IKBKB: variants seen among roughly 807,000 people sequenced by gnomAD.
The protein encoded by IKBKB is inhibitor of nuclear factor kappa-B kinase subunit beta.
IKBKB carries 42 observed loss-of-function variants against 113.6 expected under a neutral mutation model. The ratio of observed to expected loss-of-function variants is 0.37; its 90% CI spans 0.29 to 0.48. IKBKB has a LOEUF of 0.48. IKBKB is among the 20% of genes least tolerant of loss of function. The pLI is 0.99. For synonymous variants in IKBKB, 296 were observed against 361.3 expected, an observed-to-expected ratio of 0.82 and a Z score of 2.05; for missense variants, 673 against 939.7, an observed-to-expected ratio of 0.72 and a Z score of 3.71.
At chr8:42,294,155 G>T (rs978936712) in intron 5 of IKBKB, among the ~76,000 whole-genome samples, 1 of 151,990 alleles carries the variant, frequency 6.6e-6, no homozygotes, top group African/African-American at 2.4e-5. Flanking sequence ...AGAGCTTTTT[G>T]TTTTTTTTAA....
chr8:42,331,849 C>G lies in IKBKB; in HGVS notation c.*870C>G. On this transcript the variant is annotated 3_prime_UTR_variant, in exon 22 of 22. Coordinates refer to ENST00000520810, the MANE Select transcript of IKBKB (RefSeq NM_001556.3). ...TTCCTGCTCAAGCGTGTGTGCTGGG[C>G]CGGGGAGTCCCTGTCTCTCACAGCA... is the stretch of plus-strand genomic sequence containing the variant. 4.8e-6 allele frequency: 1 copy of G among 208,128 alleles called. No homozygotes were observed. The highest frequency in any genetic ancestry group is 7.8e-5 in the South Asian group (1 of 12,862). The allele number at this position is 208,128 out of a possible 1,614,324, so 12.9% of individuals were successfully genotyped here.
chr8:42,278,485 T>A (rs1296047384), intron 2 of IKBKB, among the ~76,000 whole-genome samples: 2 of 152,162 alleles, frequency 1.3e-5, no homozygotes, highest in Non-Finnish European at 2.9e-5. Flanking sequence ...TGATCCATAG[T>A]GTGCAGCAGT....
intron 5 of IKBKB, among the ~76,000 whole-genome samples, chr8:42,293,974 G>A (rs549933644): frequency 3.3e-5 from 5 of 152,244 alleles, no homozygotes; most frequent in African/African-American, 7.2e-5. Flanking sequence ...GGGCATCTGC[G>A]GCACCCTCTG....
chr8:42,330,590 A>C lies in IKBKB; in HGVS notation c.2206-324A>C, dbSNP rs2130742684. 1.3e-5 allele frequency among the ~76,000 whole-genome samples: 2 copies of C among 152,282 alleles called. 1 individual carries two copies. The highest frequency in any genetic ancestry group is 6.8e-3 in the Middle Eastern group (2 of 294). ...CAATGGCACGATCTCAGCTCACTGC[A>C]ACCCCTACCTCCCAGGTTCAAGTGA... On this transcript the variant is annotated intron_variant, in intron 21 of 21. Coordinates refer to ENST00000520810, the MANE Select transcript of IKBKB (RefSeq NM_001556.3).
At chr8:42,276,094 G>A (rs1280824112) in intron 2 of IKBKB, among the ~76,000 whole-genome samples, 1 of 152,168 alleles carries the variant, frequency 6.6e-6, no homozygotes, top group African/African-American at 2.4e-5. Flanking sequence ...GCCTGCCTCA[G>A]CCTCCCAACC....
chr8:42,298,555 T>C, intron 5 of IKBKB: 1 of 857,288 alleles, frequency 1.2e-6, no homozygotes, highest in Non-Finnish European at 1.4e-6. Context: ...GACTGAAGTG[T>C]GGATTATAGC....
At chr8:42,317,817 A>G in intron 12 of IKBKB, 46 bp downstream of exon 12, 1 of 1,369,880 alleles carries the variant, frequency 7.3e-7, no homozygotes, top group African/African-American at 1.4e-5. Context: ...CCGTTATAAT[A>G]TGTGGGACAA....
At position 42,271,400 on chromosome 8, in the gene IKBKB, GTTT is replaced by G; in HGVS notation, c.-87_-85del. 6.6e-7 allele frequency: 1 copy of G among 1,517,108 alleles called. No homozygotes were observed. The highest frequency in any genetic ancestry group is 8.8e-7 in the Non-Finnish European group (1 of 1,132,260). The allele number at this position is 1,517,108 out of a possible 1,614,324, so 94.0% of individuals were successfully genotyped here. On this transcript the variant is annotated 5_prime_UTR_variant, in exon 1 of 22. Transcript: ENST00000520810. ...TTTCAGGGGGGTGTCATAGCCCCGG[GTTT>G]GGCCGCCCCAGCCCCGCCTTCCCCG...
intron 21 of IKBKB, chr8:42,330,112 G>T (rs917122822): frequency 3.2e-5 from 32 of 985,288 alleles, no homozygotes; most frequent in African/African-American, 2.4e-4. Context: ...CAAGTCATGT[G>T]GTGAGGCTGG....
intron 19 of IKBKB, among the ~76,000 whole-genome samples, chr8:42,322,929 C>T (rs10958712): frequency 0.76 from 115,711 of 151,980 alleles, 48,145 homozygotes; most frequent in Non-Finnish European, 0.93. Flanking sequence ...CAAAAACAAA[C>T]GTGTTATCTG....
chr8:42,283,777 C>G (rs1485725876), intron 2 of IKBKB, among the ~76,000 whole-genome samples: 1 of 152,208 alleles, frequency 6.6e-6, no homozygotes, highest in Non-Finnish European at 1.5e-5. Context: ...CAATAGAAAA[C>G]AAGTGCCCTC....
chr8:42,278,373 G>C (rs553460492), intron 2 of IKBKB, among the ~76,000 whole-genome samples: 1 of 152,324 alleles, frequency 6.6e-6, no homozygotes, highest in East Asian at 1.9e-4. Flanking sequence ...AGGAGCAGTG[G>C]AACGATGTTA....
chr8:42,325,705 TAAA>T (rs1472492766), intron 19 of IKBKB: 10 of 1,219,342 alleles, frequency 8.2e-6, no homozygotes. Context: ...CTGATGAAAA[TAAA>T]AAAGCCTGCA....
rs1239220388 is a variant in IKBKB at position 42,293,488 on chromosome 8, A to G, written c.364A>G (p.Ile122Val). 2.5e-6 allele frequency: 4 copies of G among 1,613,906 alleles called. No homozygotes were observed. Among genetic ancestry groups the G allele is most frequent in the South Asian group, 2.2e-5 (2 of 91,088 alleles). Residue 122 changes from isoleucine to valine, a missense_variant, in exon 5 of 22, where the codon ATC becomes GTC. Ile to Val is a conservative substitution (Grantham distance 29). Coordinates refer to ENST00000520810, the MANE Select transcript of IKBKB (RefSeq NM_001556.3). ...ENCCGLREGA[I>V]LTLLSDIASA... Reference sequence around the variant, plus strand: ...CTGCTGTGGTCTGCGGGAAGGTGCCATCCTCACCTTGCTGAGTGACATTGG... The same window carrying G: ...CTGCTGTGGTCTGCGGGAAGGTGCCGTCCTCACCTTGCTGAGTGACATTGG...
chr8:42,330,236 T>C (rs1396311607), intron 21 of IKBKB: 6 of 985,226 alleles, frequency 6.1e-6, no homozygotes, highest in Non-Finnish European at 3.6e-6. Context: ...TCAAGGACTC[T>C]GAGCCAATTC....
chr8:42,322,655 C>T (rs182232111), intron 19 of IKBKB, among the ~76,000 whole-genome samples, 161 bp downstream of exon 19: 32 of 152,262 alleles, frequency 2.1e-4, no homozygotes, highest in African/African-American at 7.5e-4. Flanking sequence ...TTGGTGTAAG[C>T]GGGGAGGTCA....
intron 5 of IKBKB, chr8:42,298,480 T>C (rs902028653): frequency 2.0e-6 from 2 of 985,298 alleles, no homozygotes; most frequent in African/African-American, 3.5e-5. Flanking sequence ...TTCCAGGAAC[T>C]GCACATCAGG....
chr8:42,271,899 G>A (rs1428206550), intron 1 of IKBKB, 184 bp from the exon 2 acceptor site: 6 of 651,934 alleles, frequency 9.2e-6, no homozygotes, highest in South Asian at 6.2e-5. Context: ...AGGGTGAGAG[G>A]GACAAAAGTT....
intron 21 of IKBKB, chr8:42,329,662 T>C: frequency 1.0e-6 from 1 of 985,396 alleles, no homozygotes; most frequent in South Asian, 4.7e-5. Context: ...CCCAGAAGCC[T>C]GTCCCCACCT....
Sources: allele counts gnomAD v4.1 joint callset (sites outside exome capture counted in the v4.1 genomes callset), GRCh38; gene constraint gnomAD v4.1.1; transcripts MANE v1.5; gene names NCBI Gene and HGNC (gene_info 2026-07-23, HGNC 2026-07-21).